Variants in MEI1 observed in about 807,000 individuals in gnomAD.
The protein encoded by MEI1 is meiotic double-stranded break formation protein 1.
MEI1 carries 103 observed loss-of-function variants against 146.2 expected under a neutral mutation model. The observed-to-expected ratio is 0.70, with a 90% confidence interval of 0.60 to 0.83. The LOEUF (loss-of-function observed/expected upper bound fraction) is 0.83. Ranked by LOEUF, MEI1 falls within the 40% of genes least tolerant of loss-of-function variation. MEI1 has a pLI of 0.00. For synonymous variants in MEI1, 652 were observed against 628.2 expected (o/e 1.04, Z -0.57); for missense variants, 1,529 against 1,533.0 (o/e 1.00, Z 0.04).
Position 41,784,635 on chromosome 22 carries a change from C to T in MEI1, c.3197C>T (p.Ala1066Val). ...SAAILCFLRTALRQSFSSALV... is the reference protein window; with the variant it reads ...SAAILCFLRTVLRQSFSSALV... Reference sequence around the variant, plus strand: ...GCCATCTTATGCTTCCTGCGGACAGCCCTGCGACAAAGCTTTTCCTCTGCC... The same window carrying T: ...GCCATCTTATGCTTCCTGCGGACAGTCCTGCGACAAAGCTTTTCCTCTGCC... Residue 1066 changes from alanine (A) to valine (V), a missense_variant, in exon 26 of 31, where the codon GCC becomes GTC. By Grantham distance (64) the Ala-to-Val change is moderately conservative. Transcript: ENST00000401548. The T allele has an allele frequency of 1.9e-6, 3 of 1,613,156 alleles. No homozygotes were observed. Among genetic ancestry groups the T allele is most frequent in the Non-Finnish European group, 2.5e-6 (3 of 1,179,854 alleles).
intron 20 of MEI1, among the ~76,000 whole-genome samples, chr22:41,772,017 A>G (rs1343921708): frequency 1.3e-5 from 2 of 152,166 alleles, no homozygotes; most frequent in African/African-American, 2.4e-5. Flanking sequence ...ACACAGTGTT[A>G]GGTGATTTTG....
chr22:41,765,776 T>A (rs1396644659), intron 19 of MEI1, among the ~76,000 whole-genome samples: 1 of 152,082 alleles, frequency 6.6e-6, no homozygotes, highest in African/African-American at 2.4e-5. Flanking sequence ...GGACTTTCTC[T>A]GTTACATAAT....
Position 41,778,791 on chromosome 22 carries a change from G to C in MEI1, c.2794G>C (p.Ala932Pro). 6.2e-7 allele frequency: 1 copy of C among 1,605,656 alleles called. No homozygotes were observed. Among genetic ancestry groups the C allele is most frequent in the Non-Finnish European group, 8.5e-7 (1 of 1,176,222 alleles). Residue 932 changes from alanine to proline, a missense_variant, in exon 22 of 31, where the codon GCC becomes CCC. By Grantham distance (27) the Ala-to-Pro change is conservative. Around this residue, in one of 3 missense-constraint regions of MEI1, gnomAD observed 1,212 missense variants for 1,178.9 expected, o/e 1.03. Coordinates refer to ENST00000401548, the MANE Select transcript of MEI1 (RefSeq NM_152513.4). ...NVSEQELDSV[A>P]MKLLHQVSKL... is the part of the protein sequence containing the mutation. ...GTCAGAGCAAGAACTGGACAGCGTG[G>C]CCATGAAGCTCCTTCACCAAGGTGC...
chr22:41,783,110 T>C (rs1292540889), intron 24 of MEI1, among the ~76,000 whole-genome samples: 1 of 152,200 alleles, frequency 6.6e-6, no homozygotes, highest in Non-Finnish European at 1.5e-5. Context: ...GGCCAGGCAT[T>C]TGTGCTTCTC....
chr22:41,713,876 A>C lies in MEI1; in HGVS notation c.350-126A>C. On this transcript the variant is annotated intron_variant, in intron 3 of 30. Coordinates refer to ENST00000401548, the MANE Select transcript of MEI1 (RefSeq NM_152513.4). ...GCACACATAGTTAAATGGAAGAAATAGAAAAGTATAATACCAATTAGCCCA... is the reference window on the plus strand; with the variant it reads ...GCACACATAGTTAAATGGAAGAAATCGAAAAGTATAATACCAATTAGCCCA... 4.1e-6 allele frequency: 3 copies of C among 729,022 alleles called. No individual in the cohort carries two copies. The South Asian group carries it at 5.6e-5, about 14-fold the overall frequency. 45.2% of individuals were successfully genotyped at this position (729,022 alleles called of 1,614,324 possible).
At chr22:41,710,697 G>A (rs528130171) in intron 3 of MEI1, among the ~76,000 whole-genome samples, 5 of 152,314 alleles carry the variant, frequency 3.3e-5, no homozygotes, top group African/African-American at 1.2e-4. Flanking sequence ...TAATCCAAGT[G>A]ATGTTGTGCA....
intron 11 of MEI1, among the ~76,000 whole-genome samples, chr22:41,740,261 G>T (rs898230331): frequency 2.5e-4 from 38 of 152,116 alleles, no homozygotes; most frequent in Admixed American, 2.5e-3. Flanking sequence ...CTTGTGATCT[G>T]CCTGCCTCAG....
At chr22:41,757,587 C>T (rs2074181139) in intron 17 of MEI1, among the ~76,000 whole-genome samples, 2 of 152,008 alleles carry the variant, frequency 1.3e-5, no homozygotes, top group African/African-American at 2.4e-5. Context: ...GAACTCCTGA[C>T]CTCAGGTGAT....
At chr22:41,783,658 A>G (rs11090059) in intron 24 of MEI1, among the ~76,000 whole-genome samples, 43,631 of 152,046 alleles carry the variant, frequency 0.29, 6,873 homozygotes, top group Non-Finnish European at 0.36. Flanking sequence ...GCCCAAGGCC[A>G]TACAGCTGAC....
Position 41,793,906 on chromosome 22 carries a change from C to T in MEI1, c.3423C>T (p.Asp1141=). 6.2e-7 allele frequency: 1 copy of T among 1,611,338 alleles called. No individual in the cohort carries two copies. Among genetic ancestry groups the T allele is most frequent in the Non-Finnish European group, 8.5e-7 (1 of 1,178,802 alleles). The part of the protein sequence containing the change: ...LLDYLDARSP[D]IALHVASQPW... The stretch of plus-strand genomic sequence containing the variant: ...ACTACCTGGATGCCCGGAGCCCAGA[C>T]ATTGGTAGAAACTCTCCACATTATC... Residue 1141 remains aspartate, a synonymous_variant, in exon 27 of 31, where the codon GAC becomes GAT. Coordinates refer to ENST00000401548, the MANE Select transcript of MEI1 (RefSeq NM_152513.4).
At chr22:41,789,560 G>T (rs1017519738) in intron 26 of MEI1, among the ~76,000 whole-genome samples, 1 of 152,108 alleles carries the variant, frequency 6.6e-6, no homozygotes, top group Non-Finnish European at 1.5e-5. Flanking sequence ...TCACATTGTT[G>T]TGCAACTTTC....
chr22:41,707,691 G>GA (rs1004689150), intron 3 of MEI1, among the ~76,000 whole-genome samples: 4 of 152,150 alleles, frequency 2.6e-5, no homozygotes, highest in Admixed American at 2.6e-4. Flanking sequence ...AGACTTATAT[G>GA]AATGGGAAGA....
intron 11 of MEI1, among the ~76,000 whole-genome samples, chr22:41,742,431 G>A (rs1026037628): frequency 6.6e-6 from 1 of 152,130 alleles, no homozygotes; most frequent in Non-Finnish European, 1.5e-5. Context: ...TCTCCTCTGC[G>A]AGAAAACCTT....
intron 11 of MEI1, 95 bp from the exon 12 acceptor site, chr22:41,742,985 T>A (rs2073005092): frequency 1.2e-6 from 1 of 803,402 alleles, no homozygotes; most frequent in Non-Finnish European, 2.1e-6. Context: ...CATGTTCTGA[T>A]CCAACTGCAC....
chr22:41,721,719 CTTT>C (rs58572782), intron 6 of MEI1, among the ~76,000 whole-genome samples: 1 of 102,212 alleles, frequency 9.8e-6, no homozygotes, highest in Non-Finnish European at 1.8e-5. Flanking sequence ...AATGCTACCC[CTTT>C]TTTTTTTTTT....
In MEI1 at chr22:41,752,673, A is replaced by G. The variant is rs749054525; in HGVS notation, c.1853+22A>G. Reference sequence around the variant, plus strand: ...TGAGGTATGTGTGGTCCCAGGCAAGATTGAGTGGCCAAGGGGCCAATGTCC... The same window carrying G: ...TGAGGTATGTGTGGTCCCAGGCAAGGTTGAGTGGCCAAGGGGCCAATGTCC... On this transcript the variant is annotated intron_variant, in intron 16 of 30. Coordinates refer to ENST00000401548, the MANE Select transcript of MEI1 (RefSeq NM_152513.4). 18 of 1,580,322 alleles carry G rather than the reference A, an allele frequency of 1.1e-5. 1 individual carries two copies. In the South Asian group the frequency reaches 2.0e-4, roughly 17 times the overall value.
chr22:41,786,785 CAGA>C (rs2076002147), intron 26 of MEI1, among the ~76,000 whole-genome samples: 1 of 152,196 alleles, frequency 6.6e-6, no homozygotes, highest in Non-Finnish European at 1.5e-5. Context: ...AAACTGCTAC[CAGA>C]AGAAGGAGGG....
At chr22:41,719,509 G>T (rs953788042) in intron 6 of MEI1, among the ~76,000 whole-genome samples, 1 of 152,196 alleles carries the variant, frequency 6.6e-6, no homozygotes, top group Non-Finnish European at 1.5e-5. Context: ...TTTATGAGGA[G>T]CCTACTCTCA....
intron 22 of MEI1, among the ~76,000 whole-genome samples, chr22:41,780,917 G>A (rs1459724312): frequency 1.3e-5 from 2 of 152,188 alleles, no homozygotes; most frequent in African/African-American, 4.8e-5. Flanking sequence ...GGGGACAAGA[G>A]GAGTTAGCTA....
Sources: gnomAD v4.1 joint callset for allele counts (sites outside exome capture counted in the v4.1 genomes callset) on GRCh38, gnomAD v4.1.1 for gene constraint, gnomAD v4.1.1 regional missense constraint, MANE v1.5 for transcripts, NCBI Gene and HGNC (gene_info 2026-07-23, HGNC 2026-07-21) for gene names.